Variants in PTAR1 observed in about 807,000 individuals in gnomAD.
PTAR1 encodes protein prenyltransferase alpha subunit repeat containing 1, also known as protein prenyltransferase alpha subunit repeat-containing protein 1.
Under a neutral mutation model 45.5 loss-of-function variants are expected in PTAR1, and 17 were observed. That is an observed-to-expected ratio of 0.37 (90% CI 0.26 to 0.56). The LOEUF is 0.56. PTAR1 is among the 20% of genes least tolerant of loss of function. The pLI, the probability that PTAR1 is intolerant of heterozygous loss-of-function variation, is 0.77. For synonymous variants in PTAR1, 169 were observed against 171.3 expected (o/e 0.99, Z 0.11); for missense variants, 391 against 476.3 (o/e 0.82, Z 1.67).
chr9:69,759,382 C>CTT (rs1340836955), intron 1 of PTAR1, among the ~76,000 whole-genome samples: 1 of 152,110 alleles, frequency 6.6e-6, no homozygotes, highest in East Asian at 1.9e-4. Flanking sequence ...CTCAAACCAC[C>CTT]TTTAGTTAGT....
chr9:69,745,659 A>T (rs1453899926), intron 2 of PTAR1, among the ~76,000 whole-genome samples: 1 of 152,234 alleles, frequency 6.6e-6, no homozygotes, highest in Non-Finnish European at 1.5e-5. Context: ...AGAGAGCAAC[A>T]GCAGCTACTG....
intron 1 of PTAR1, among the ~76,000 whole-genome samples, chr9:69,752,142 A>G (rs1377443210): frequency 6.6e-6 from 1 of 152,136 alleles, no homozygotes; most frequent in African/African-American, 2.4e-5. Context: ...ACATGTCTTT[A>G]AAAAGCAGAA....
chr9:69,716,525 A>G lies in PTAR1; in HGVS notation c.*1817T>C, dbSNP rs1268815926. The stretch of plus-strand genomic sequence containing the variant: ...CACTTCAACAGTCTGCCACTCAACA[A>G]AACCATGATGCCAAAGAAAAGGACA... On this transcript the variant is annotated 3_prime_UTR_variant, in exon 8 of 8. Coordinates refer to ENST00000340434, the MANE Select transcript of PTAR1 (RefSeq NM_001099666.2). 6.6e-6 allele frequency: 1 copy of G among 152,266 alleles called. No individual in the cohort carries two copies. Among genetic ancestry groups the G allele is most frequent in the East Asian group, 1.9e-4 (1 of 5,176 alleles). The allele number at this position is 152,266 out of a possible 1,614,324, so 9.4% of individuals were successfully genotyped here.
intron 5 of PTAR1, among the ~76,000 whole-genome samples, chr9:69,728,866 G>C (rs192121536): frequency 1.3e-5 from 2 of 152,008 alleles, no homozygotes; most frequent in Admixed American, 1.3e-4. Flanking sequence ...TTTCTGACTA[G>C]AAAACAAATA....
At chr9:69,743,493 A>G (rs1398894467) in intron 2 of PTAR1, among the ~76,000 whole-genome samples, 1 of 152,160 alleles carries the variant, frequency 6.6e-6, no homozygotes, top group African/African-American at 2.4e-5. Flanking sequence ...GGGGCCCATG[A>G]TTTCATTACT....
intron 6 of PTAR1, among the ~76,000 whole-genome samples, 181 bp downstream of exon 6, chr9:69,723,136 TTAATGATGA>T (rs777063888): frequency 6.6e-6 from 1 of 151,410 alleles, no homozygotes; most frequent in African/African-American, 2.4e-5. Flanking sequence ...GAATCTCTTA[TTAATGATGA>T]TGATGATGAT....
chr9:69,759,005 G>A (rs1826943600), intron 1 of PTAR1, among the ~76,000 whole-genome samples: 1 of 148,074 alleles, frequency 6.8e-6, no homozygotes, highest in Non-Finnish European at 1.5e-5. Context: ...GTATAATGTA[G>A]ATCTCTCTCT....
chr9:69,718,797 T>C (rs1824843260), intron 6 of PTAR1, 113 bp from the exon 7 acceptor site: 2 of 694,574 alleles, frequency 2.9e-6, no homozygotes, highest in South Asian at 2.3e-5. Flanking sequence ...TCACTGCCCA[T>C]TTCATAACCA....
At chr9:69,724,769 T>C (rs1479136849) in intron 5 of PTAR1, among the ~76,000 whole-genome samples, 1 of 152,224 alleles carries the variant, frequency 6.6e-6, no homozygotes, top group Non-Finnish European at 1.5e-5. Context: ...ATCTGATACT[T>C]CAATCCCCCT....
intron 5 of PTAR1, among the ~76,000 whole-genome samples, chr9:69,725,329 C>T (rs755413445): frequency 1.3e-5 from 2 of 152,072 alleles, no homozygotes; most frequent in Non-Finnish European, 2.9e-5. Context: ...GTGGCTCATA[C>T]CTGTAATCCC....
At chr9:69,722,525 G>C (rs1189124061) in intron 6 of PTAR1, among the ~76,000 whole-genome samples, 1 of 152,140 alleles carries the variant, frequency 6.6e-6, no homozygotes, top group African/African-American at 2.4e-5. Context: ...TTATACTTCA[G>C]GTAAGTTAAT....
chr9:69,731,563 C>T (rs1282304970), intron 5 of PTAR1, among the ~76,000 whole-genome samples: 2 of 152,174 alleles, frequency 1.3e-5, no homozygotes, highest in Non-Finnish European at 2.9e-5. Context: ...GTGAGAGTTT[C>T]CAAACTGGCT....
In PTAR1 at chr9:69,733,799, C is replaced by G. The variant is rs746372354; in HGVS notation, c.428+351G>C. On this transcript the variant is annotated intron_variant, in intron 4 of 7. Transcript: ENST00000340434. ...GTATCTATAAATGCAATGCCCACAA[C>G]TGCTTCAAAGAGTTAATAATAGCTA... is the stretch of plus-strand genomic sequence containing the variant. Among the ~76,000 whole-genome samples the G allele has an allele frequency of 1.8e-4, 27 of 152,258 alleles. No individual in the cohort carries two copies. In the Middle Eastern group the frequency reaches 0.01, roughly 58 times the overall value.
rs942455252 is a variant in PTAR1 at position 69,711,492 on chromosome 9, A to T, written c.*6850T>A. ...TTCCTCATGCCAAAGATGTTCTGAG[A>T]AAACAAGCAGAAGTTTATTGTAACT... On this transcript the variant is annotated 3_prime_UTR_variant, in exon 8 of 8. Transcript: ENST00000340434. 12 of 152,208 alleles carry T rather than the reference A, an allele frequency of 7.9e-5. No homozygotes were observed. The highest frequency in any genetic ancestry group is 2.4e-4 in the African/African-American group (10 of 41,454). 9.4% of individuals were successfully genotyped at this position (152,208 alleles called of 1,614,324 possible).
At chr9:69,750,072 G>A (rs1200382315) in intron 2 of PTAR1, among the ~76,000 whole-genome samples, 1 of 152,016 alleles carries the variant, frequency 6.6e-6, no homozygotes, top group African/African-American at 2.4e-5. Context: ...AGTGAGACCT[G>A]AGGTGGGCAT....
chr9:69,739,533 C>A (rs1270404085), intron 3 of PTAR1, among the ~76,000 whole-genome samples: 1 of 152,022 alleles, frequency 6.6e-6, no homozygotes, highest in East Asian at 1.9e-4. Flanking sequence ...GACTGCAATA[C>A]CCACAAATTG....
In PTAR1 at chr9:69,729,149, G is replaced by A. The variant is rs373275451; in HGVS notation, c.642+2990C>T. ...AGCCTGACCAACATGGCGAAACCCCGTCTCTACTAAAAATATAAAAATTAG... is the reference window on the plus strand; with the variant it reads ...AGCCTGACCAACATGGCGAAACCCCATCTCTACTAAAAATATAAAAATTAG... On this transcript the variant is annotated intron_variant, in intron 5 of 7. Coordinates refer to ENST00000340434, the MANE Select transcript of PTAR1 (RefSeq NM_001099666.2). 3.2e-3 allele frequency among the ~76,000 whole-genome samples: 487 copies of A among 151,998 alleles called. 4 individuals carry two copies. The highest frequency in any genetic ancestry group is 0.011 in the African/African-American group (459 of 41,468).
intron 5 of PTAR1, among the ~76,000 whole-genome samples, chr9:69,731,703 A>C (rs1825545525): frequency 6.6e-6 from 1 of 152,120 alleles, no homozygotes; most frequent in African/African-American, 2.4e-5. Context: ...TTTTAAAAAC[A>C]CCTGGGTGAG....
intron 1 of PTAR1, among the ~76,000 whole-genome samples, chr9:69,756,495 T>C (rs1207927236): frequency 1.3e-5 from 2 of 152,184 alleles, no homozygotes; most frequent in Admixed American, 6.5e-5. Context: ...GCCTGTCAAA[T>C]GGAGGTACTC....
Sources: allele counts gnomAD v4.1 joint callset (sites outside exome capture counted in the v4.1 genomes callset), GRCh38; gene constraint gnomAD v4.1.1; transcripts MANE v1.5; gene names NCBI Gene and HGNC (gene_info 2026-07-23, HGNC 2026-07-21).